Variants in GRM5 observed in about 807,000 individuals in gnomAD.
The protein encoded by GRM5 is metabotropic glutamate receptor 5.
In GRM5, 19 loss-of-function variants were observed where a neutral mutation model predicts 83.1. The ratio of observed to expected loss-of-function variants is 0.23; its 90% CI spans 0.16 to 0.34. The LOEUF is 0.34. GRM5 is among the 10% of genes least tolerant of loss of function. The pLI is 1.00. For missense variants in GRM5, 1,160 were observed against 1,588.3 expected, an observed-to-expected ratio of 0.73 and a Z score of 4.58; for synonymous variants, 675 against 633.6, an observed-to-expected ratio of 1.07 and a Z score of -0.98.
chr11:89,007,855 T>C (rs1401170532), intron 2 of GRM5, among the ~76,000 whole-genome samples: 1 of 152,230 alleles, frequency 6.6e-6, no homozygotes, highest in Non-Finnish European at 1.5e-5. Context: ...TTTTCTAATC[T>C]TCCTGTGTTT....
intron 8 of GRM5, among the ~76,000 whole-genome samples, chr11:88,539,878 T>C (rs1296584037): frequency 6.6e-6 from 1 of 152,236 alleles, no homozygotes; most frequent in East Asian, 1.9e-4. Flanking sequence ...TATCAGGGCC[T>C]ATTCTCTTCC....
chr11:88,969,320 C>T (rs1446816322), intron 2 of GRM5, among the ~76,000 whole-genome samples: 1 of 152,028 alleles, frequency 6.6e-6, no homozygotes, highest in Non-Finnish European at 1.5e-5. Context: ...CTACCCAATG[C>T]TTGGGGACAG....
chr11:88,866,164 C>CA (rs1321733797), intron 2 of GRM5, among the ~76,000 whole-genome samples: 1 of 152,034 alleles, frequency 6.6e-6, no homozygotes, highest in Non-Finnish European at 1.5e-5. Flanking sequence ...AAATGTCCAT[C>CA]AGTGATAGAC....
In GRM5 at chr11:88,915,008, G is replaced by A. The variant is rs982314120; in HGVS notation, c.662-64853C>T. ...CAGAAAATTAAGGTTTCCTTAACAAGATTTTTAATGGTTTTGTTAGTAACT... is the reference window on the plus strand; with the variant it reads ...CAGAAAATTAAGGTTTCCTTAACAAAATTTTTAATGGTTTTGTTAGTAACT... On this transcript the variant is annotated intron_variant, in intron 2 of 9. Coordinates refer to ENST00000305447, the MANE Select transcript of GRM5 (RefSeq NM_001143831.3). Among the ~76,000 whole-genome samples the A allele has an allele frequency of 2.6e-5, 4 of 152,020 alleles. No homozygotes were observed. In the South Asian group the frequency reaches 8.3e-4, roughly 32 times the overall value.
intron 4 of GRM5, among the ~76,000 whole-genome samples, chr11:88,633,212 T>A (rs923982399): frequency 2.2e-4 from 33 of 152,308 alleles, no homozygotes; most frequent in African/African-American, 7.5e-4. Context: ...AAATGGCTTT[T>A]CATTTTGCTC....
chr11:88,822,141 A>G lies in GRM5; in HGVS notation c.911+27765T>C, dbSNP rs558782778. On this transcript the variant is annotated intron_variant, in intron 3 of 9. Transcript: ENST00000305447. ...CTGCCAAGTGCCAGACACTGAGAATACAATGGTAAAGAAATAGATATAATA... is the reference window on the plus strand; with the variant it reads ...CTGCCAAGTGCCAGACACTGAGAATGCAATGGTAAAGAAATAGATATAATA... Among the ~76,000 whole-genome samples, 13 of 152,342 alleles carry G rather than the reference A, an allele frequency of 8.5e-5. No individual in the cohort carries two copies. The East Asian group carries it at 2.5e-3, about 29-fold the overall frequency.
intron 9 of GRM5, among the ~76,000 whole-genome samples, chr11:88,518,105 A>G (rs1941574463): frequency 6.6e-6 from 1 of 151,948 alleles, no homozygotes; most frequent in Non-Finnish European, 1.5e-5. Flanking sequence ...TTTCTGTATT[A>G]CATTTTTTAC....
At chr11:89,017,922 T>C (rs1940898899) in intron 2 of GRM5, among the ~76,000 whole-genome samples, 1 of 152,156 alleles carries the variant, frequency 6.6e-6, no homozygotes, top group South Asian at 2.1e-4. Flanking sequence ...TTGTTTTTAC[T>C]TCTTACCACC....
rs553995396 is a variant in GRM5 at position 88,507,403 on chromosome 11, C to T, written c.*1189G>A. On this transcript the variant is annotated 3_prime_UTR_variant, in exon 10 of 10. Coordinates refer to ENST00000305447, the MANE Select transcript of GRM5 (RefSeq NM_001143831.3). ...GCCAAGAATAGTTAAAATCACTGCTCACTGGCATAGCTAAATCTCCACTAA... is the reference window on the plus strand; with the variant it reads ...GCCAAGAATAGTTAAAATCACTGCTTACTGGCATAGCTAAATCTCCACTAA... 2.6e-5 allele frequency: 4 copies of T among 152,310 alleles called. No individual in the cohort carries two copies. In the East Asian group the frequency reaches 7.7e-4, roughly 29 times the overall value. 9.4% of individuals were successfully genotyped at this position (152,310 alleles called of 1,614,324 possible).
chr11:88,906,503 T>C (rs1945406690), intron 2 of GRM5, among the ~76,000 whole-genome samples: 1 of 152,230 alleles, frequency 6.6e-6, no homozygotes, highest in South Asian at 2.1e-4. Context: ...GGATTATTTT[T>C]GTCTGTTTTC....
chr11:89,064,854 T>TTCTCTC (rs144985912), intron 1 of GRM5, among the ~76,000 whole-genome samples: 1,024 of 46,028 alleles, frequency 0.022, 24 homozygotes, highest in African/African-American at 0.027. Context: ...ATTTTTCATA[T>TTCTCTC]TCTCTCTCTC....
intron 2 of GRM5, among the ~76,000 whole-genome samples, chr11:88,965,021 G>A (rs1938906340): frequency 6.6e-6 from 1 of 152,076 alleles, no homozygotes; most frequent in South Asian, 2.1e-4. Context: ...TAGCAGATCT[G>A]TATATTATAA....
chr11:88,858,095 C>T (rs1177545036), intron 2 of GRM5, among the ~76,000 whole-genome samples: 1 of 152,010 alleles, frequency 6.6e-6, no homozygotes, highest in Non-Finnish European at 1.5e-5. Context: ...TATAACACGA[C>T]CCATATACCA....
At chr11:88,916,706 T>TC (rs1201376014) in intron 2 of GRM5, among the ~76,000 whole-genome samples, 1 of 151,004 alleles carries the variant, frequency 6.6e-6, no homozygotes, top group Non-Finnish European at 1.5e-5. Flanking sequence ...GTGTCATCCC[T>TC]CCCCCAACTC....
chr11:88,643,002 T>C (rs1939336634), intron 4 of GRM5, among the ~76,000 whole-genome samples: 1 of 152,110 alleles, frequency 6.6e-6, no homozygotes, highest in South Asian at 2.1e-4. Context: ...ATTATCTTTA[T>C]AGCAATGTCC....
chr11:88,753,461 G>A (rs1229192353), intron 3 of GRM5, among the ~76,000 whole-genome samples: 3 of 151,488 alleles, frequency 2.0e-5, no homozygotes, highest in East Asian at 1.9e-4. Context: ...AGATGATGGC[G>A]AGATCGTTGG....
At chr11:88,838,084 CAAAAAAA>C (rs1157680177) in intron 3 of GRM5, among the ~76,000 whole-genome samples, 4 of 55,442 alleles carry the variant, frequency 7.2e-5, no homozygotes, top group Admixed American at 2.9e-4. Context: ...GACTCCATCT[CAAAAAAA>C]AAAAAAAAAA....
At chr11:88,997,408 G>A (rs987784098) in intron 2 of GRM5, among the ~76,000 whole-genome samples, 1 of 143,560 alleles carries the variant, frequency 7.0e-6, no homozygotes, top group African/African-American at 2.6e-5. Context: ...TCAAAAGAAA[G>A]AGCAAAATAA....
chr11:88,654,726 C>T (rs550927400), intron 3 of GRM5, among the ~76,000 whole-genome samples: 1 of 152,170 alleles, frequency 6.6e-6, no homozygotes, highest in Admixed American at 6.6e-5. Context: ...TTCCATTTAA[C>T]AGAATGTTAA....
Sources: allele counts gnomAD v4.1 joint callset (sites outside exome capture counted in the v4.1 genomes callset), GRCh38; gene constraint gnomAD v4.1.1; transcripts MANE v1.5; gene names NCBI Gene and HGNC (gene_info 2026-07-23, HGNC 2026-07-21).